The following RPSA2 variants were observed in gnomAD, a reference collection of about 807,000 sequenced individuals.
The protein encoded by RPSA2 is small ribosomal subunit protein uS2B.
At chr19:23,781,774 A>G in the RPSA2 span, among the ~76,000 whole-genome samples, 6 of 152,320 alleles carry the variant, frequency 3.9e-5, no homozygotes, top group African/African-American at 1.4e-4. Flanking sequence ...ACATGTGTGT[A>G]ATTGTTAATG....
At chr19:23,786,193 T>C in the RPSA2 span, among the ~76,000 whole-genome samples, 3,330 of 152,328 alleles carry the variant, frequency 0.022, 131 homozygotes, top group African/African-American at 0.076. Context: ...GGCTCTCATG[T>C]GCCAATCCAG....
chr19:23,770,680 G>T, the RPSA2 span, among the ~76,000 whole-genome samples: 4 of 152,192 alleles, frequency 2.6e-5, no homozygotes, highest in Admixed American at 2.6e-4. Flanking sequence ...TGTTTTTCCT[G>T]CCTGGTCCTT....
At chr19:23,852,030 C>T in the RPSA2 span, among the ~76,000 whole-genome samples, 2 of 152,102 alleles carry the variant, frequency 1.3e-5, no homozygotes, top group Non-Finnish European at 2.9e-5. Flanking sequence ...GAAGAAAACA[C>T]CACTCTACTA....
the RPSA2 span, among the ~76,000 whole-genome samples, chr19:23,839,605 C>A: frequency 6.6e-6 from 1 of 152,182 alleles, no homozygotes; most frequent in Admixed American, 6.5e-5. Context: ...TCACGCCTTC[C>A]CTGAGTTCTT....
the RPSA2 span, chr19:23,758,881 A>T: frequency 7.7e-7 from 1 of 1,303,866 alleles, no homozygotes; most frequent in Non-Finnish European, 1.1e-6. Context: ...GCTCGGGCTG[A>T]AGGGAGAGAC....
the RPSA2 span, among the ~76,000 whole-genome samples, chr19:23,846,266 T>C: frequency 6.6e-6 from 1 of 152,196 alleles, no homozygotes; most frequent in African/African-American, 2.4e-5. Context: ...TCTTATTCAT[T>C]TCATAAATCT....
the RPSA2 span, chr19:23,828,026 G>C: frequency 1.5e-6 from 1 of 679,054 alleles, no homozygotes; most frequent in East Asian, 2.7e-5. Flanking sequence ...TGAATGGGTA[G>C]GAGCAACCAC....
chr19:23,813,195 C>T, the RPSA2 span, among the ~76,000 whole-genome samples: 145,759 of 148,996 alleles, frequency 0.98, 71,383 homozygotes, highest in Middle Eastern at 1. Context: ...AATTGTGCCA[C>T]GCACTCAAGC....
the RPSA2 span, among the ~76,000 whole-genome samples, chr19:23,800,027 C>CTTTTTTTT: frequency 2.7e-5 from 3 of 110,946 alleles, no homozygotes; most frequent in African/African-American, 3.4e-5. Flanking sequence ...TTTTCTTTTT[C>CTTTTTTTT]TTTTTTTTTT....
At chr19:23,761,920 C>CTTTCT in the RPSA2 span, among the ~76,000 whole-genome samples, 125 of 32,450 alleles carry the variant, frequency 3.9e-3, 9 homozygotes, top group African/African-American at 0.011. Context: ...TTCTTTCTTT[C>CTTTCT]TTTTTTTTTT....
At chr19:23,829,067 A>G in the RPSA2 span, among the ~76,000 whole-genome samples, 1 of 152,068 alleles carries the variant, frequency 6.6e-6, no homozygotes, top group Non-Finnish European at 1.5e-5. Context: ...ATAAAATATT[A>G]TACTTTCTGA....
At chr19:23,865,769 A>C in the RPSA2 span, among the ~76,000 whole-genome samples, 1 of 152,180 alleles carries the variant, frequency 6.6e-6, no homozygotes, top group South Asian at 2.1e-4. Flanking sequence ...CTATTACCAT[A>C]AGGCTTGATC....
chr19:23,856,457 C>T, the RPSA2 span, among the ~76,000 whole-genome samples: 1 of 152,100 alleles, frequency 6.6e-6, no homozygotes, highest in African/African-American at 2.4e-5. Flanking sequence ...TGTTTAGACT[C>T]TGTGTGACCC....
the RPSA2 span, among the ~76,000 whole-genome samples, chr19:23,841,449 G>A: frequency 5.5e-4 from 84 of 152,272 alleles, no homozygotes; most frequent in African/African-American, 1.9e-3. Context: ...GGGCGACAGA[G>A]CCAGACTCCG....
the RPSA2 span, among the ~76,000 whole-genome samples, chr19:23,777,478 A>G: frequency 2.1e-4 from 32 of 152,128 alleles, no homozygotes; most frequent in African/African-American, 7.7e-4. Context: ...AGGTGATGTA[A>G]CTCACCTTTA....
the RPSA2 span, among the ~76,000 whole-genome samples, chr19:23,865,694 C>T: frequency 7.9e-5 from 12 of 152,078 alleles, no homozygotes; most frequent in Non-Finnish European, 1.8e-4. Context: ...AAGTAGAAAC[C>T]CCCACACAAC....
chr19:23,789,800 C>T, the RPSA2 span, among the ~76,000 whole-genome samples: 11 of 151,610 alleles, frequency 7.3e-5, no homozygotes, highest in Non-Finnish European at 1.5e-4. Flanking sequence ...GTCTCAGTCT[C>T]CTGAGTAGCT....
chr19:23,828,909 C>G, the RPSA2 span, among the ~76,000 whole-genome samples: 5 of 149,510 alleles, frequency 3.3e-5, no homozygotes, highest in South Asian at 8.5e-4. Context: ...TCAATATTTG[C>G]TTTATATACT....
chr19:23,790,655 G>A, the RPSA2 span: 4 of 334,858 alleles, frequency 1.2e-5, no homozygotes, highest in Non-Finnish European at 2.3e-5. Flanking sequence ...TGGAGCTCCA[G>A]GTGTCGTCTT....
Sources: allele counts gnomAD v4.1 joint callset (sites outside exome capture counted in the v4.1 genomes callset), GRCh38; gene constraint gnomAD v4.1.1; transcripts MANE v1.5; gene names NCBI Gene and HGNC (gene_info 2026-07-23, HGNC 2026-07-21).